CDH12: variants seen among roughly 807,000 people sequenced by gnomAD.
CDH12 encodes cadherin-12.
CDH12 carries 41 observed loss-of-function variants against 74.1 expected under a neutral mutation model. That is an observed-to-expected ratio of 0.55 (90% CI 0.43 to 0.72). The LOEUF is 0.72. CDH12 is among the 30% of genes least tolerant of loss of function. CDH12 has a pLI of 0.00. For synonymous variants in CDH12, 399 were observed against 355.0 expected, an observed-to-expected ratio of 1.12 and a Z score of -1.39; for missense variants, 945 against 977.2, an observed-to-expected ratio of 0.97 and a Z score of 0.44.
At chr5:22,150,277 A>C (rs1194560307) in intron 4 of CDH12, among the ~76,000 whole-genome samples, 1 of 151,978 alleles carries the variant, frequency 6.6e-6, no homozygotes, top group Non-Finnish European at 1.5e-5. Context: ...TCACAAAGTG[A>C]GTTAATATTT....
intron 5 of CDH12, among the ~76,000 whole-genome samples, chr5:21,981,157 C>T (rs1757287734): frequency 6.6e-6 from 1 of 152,056 alleles, no homozygotes; most frequent in Non-Finnish European, 1.5e-5. Flanking sequence ...AAACTGCATA[C>T]CCCTTGCCTT....
chr5:21,765,599 C>T (rs965515533), intron 11 of CDH12, among the ~76,000 whole-genome samples: 4 of 147,604 alleles, frequency 2.7e-5, no homozygotes, highest in African/African-American at 9.9e-5. Context: ...TTAAAATAAA[C>T]TTAAGGAAGT....
At chr5:22,576,254 C>A (rs1218358414) in intron 1 of CDH12, among the ~76,000 whole-genome samples, 1 of 152,136 alleles carries the variant, frequency 6.6e-6, no homozygotes, top group Non-Finnish European at 1.5e-5. Context: ...GTTCTCACTA[C>A]CTGGCTTCTG....
chr5:22,219,378 A>T (rs553575972), intron 3 of CDH12, among the ~76,000 whole-genome samples: 1 of 151,726 alleles, frequency 6.6e-6, no homozygotes, highest in Admixed American at 6.6e-5. Context: ...TGACTCTATT[A>T]ACCTCTGAAT....
intron 1 of CDH12, among the ~76,000 whole-genome samples, chr5:22,543,878 AAC>A (rs1214733296): frequency 1.3e-5 from 2 of 152,182 alleles, no homozygotes; most frequent in African/African-American, 2.4e-5. Context: ...AGAAAAATAA[AAC>A]ACATCAAATA....
chr5:21,870,099 A>G (rs1272804480), intron 6 of CDH12, among the ~76,000 whole-genome samples: 1 of 152,156 alleles, frequency 6.6e-6, no homozygotes, highest in East Asian at 1.9e-4. Context: ...ACCTACGGGC[A>G]TCCATGTAAG....
chr5:22,349,798 A>G (rs1170517086), intron 3 of CDH12, among the ~76,000 whole-genome samples: 6 of 152,052 alleles, frequency 3.9e-5, no homozygotes, highest in Non-Finnish European at 7.4e-5. Flanking sequence ...GCAGTGGCGC[A>G]ATCTCGGCTC....
At chr5:22,003,663 G>T (rs1231452779) in intron 5 of CDH12, among the ~76,000 whole-genome samples, 3 of 151,714 alleles carry the variant, frequency 2.0e-5, no homozygotes, top group Non-Finnish European at 4.4e-5. Context: ...CTTATAAAAG[G>T]AAAAATACTT....
intron 4 of CDH12, among the ~76,000 whole-genome samples, chr5:22,169,586 G>C (rs559174578): frequency 1.3e-5 from 2 of 151,976 alleles, no homozygotes; most frequent in South Asian, 4.1e-4. Flanking sequence ...TTTACACCTA[G>C]CATTCTGGAG....
chr5:22,626,349 G>A (rs947740249), intron 1 of CDH12, among the ~76,000 whole-genome samples: 1 of 152,166 alleles, frequency 6.6e-6, no homozygotes, highest in African/African-American at 2.4e-5. Context: ...TCATCAGAAT[G>A]TTGGGGCTAG....
At chr5:22,629,481 T>A (rs1326797397) in intron 1 of CDH12, among the ~76,000 whole-genome samples, 1 of 152,082 alleles carries the variant, frequency 6.6e-6, no homozygotes, top group African/African-American at 2.4e-5. Context: ...AAATCTGATT[T>A]ATTACATAAA....
chr5:22,418,142 T>C (rs1743479724), intron 2 of CDH12, among the ~76,000 whole-genome samples: 1 of 152,196 alleles, frequency 6.6e-6, no homozygotes, highest in Admixed American at 6.5e-5. Context: ...TTTGTAGTTC[T>C]CCTTGAAGAG....
intron 1 of CDH12, among the ~76,000 whole-genome samples, chr5:22,523,525 C>T (rs565393981): frequency 2.5e-4 from 38 of 152,268 alleles, no homozygotes; most frequent in African/African-American, 8.9e-4. Flanking sequence ...CTTATTTTTG[C>T]AAATATCAAA....
intron 1 of CDH12, among the ~76,000 whole-genome samples, chr5:22,832,745 TG>T (rs1736673136): frequency 6.6e-6 from 1 of 152,152 alleles, no homozygotes; most frequent in Non-Finnish European, 1.5e-5. Flanking sequence ...GACAAGTAGG[TG>T]GTTTTGTGGG....
At chr5:22,031,761 T>A (rs1162079135) in intron 5 of CDH12, among the ~76,000 whole-genome samples, 3 of 152,114 alleles carry the variant, frequency 2.0e-5, no homozygotes, top group African/African-American at 7.2e-5. Flanking sequence ...AAAACACACA[T>A]AACATTTATG....
At chr5:22,086,440 G>T (rs1743073307) in intron 4 of CDH12, among the ~76,000 whole-genome samples, 1 of 152,066 alleles carries the variant, frequency 6.6e-6, no homozygotes, top group Non-Finnish European at 1.5e-5. Context: ...CGCCTCCCGG[G>T]TTTAAACAAT....
chr5:22,398,924 G>A (rs932570939), intron 3 of CDH12, among the ~76,000 whole-genome samples: 22 of 152,102 alleles, frequency 1.4e-4, no homozygotes, highest in African/African-American at 4.8e-4. Flanking sequence ...TATGTGCAGG[G>A]TACGTTTGGC....
At chr5:21,757,250 A>C (rs1248397887) in intron 13 of CDH12, among the ~76,000 whole-genome samples, 1 of 152,090 alleles carries the variant, frequency 6.6e-6, no homozygotes, top group Admixed American at 6.6e-5. Context: ...ATCTCGGCTC[A>C]CTGCAACCTC....
chr5:22,623,188 T>C (rs1345950707), intron 1 of CDH12, among the ~76,000 whole-genome samples: 9 of 152,086 alleles, frequency 5.9e-5, no homozygotes, highest in Admixed American at 5.2e-4. Context: ...TAAGAGCTAT[T>C]TATGACAAAC....
Sources: gnomAD v4.1 joint callset for allele counts (sites outside exome capture counted in the v4.1 genomes callset) on GRCh38, gnomAD v4.1.1 for gene constraint, MANE v1.5 for transcripts, NCBI Gene and HGNC (gene_info 2026-07-23, HGNC 2026-07-21) for gene names.